The following TENM3 variants were observed in gnomAD, a reference collection of about 807,000 sequenced individuals.
The protein encoded by TENM3 is teneurin transmembrane protein 3.
In TENM3, 63 loss-of-function variants were observed where a neutral mutation model predicts 255.1. The ratio of observed to expected loss-of-function variants is 0.25; its 90% CI spans 0.20 to 0.30. The LOEUF is 0.30. Among genes scored for constraint, TENM3 ranks in the 10% least tolerant of loss-of-function variants. The pLI is 1.00. For missense variants in TENM3, 2,929 were observed against 3,461.1 expected (o/e 0.85, Z 3.86); for synonymous variants, 1,306 against 1,322.3 (o/e 0.99, Z 0.27).
chr4:181,744,648 G>C, the TENM3 span, among the ~76,000 whole-genome samples: 1 of 152,212 alleles, frequency 6.6e-6, no homozygotes, highest in African/African-American at 2.4e-5. Context: ...GCAAAAAATA[G>C]TCCAGGTGAA....
rs1384914619 is a variant in TENM3 at position 182,679,886 on chromosome 4, G to T, written c.1537+10G>T. 2.5e-6 allele frequency: 4 copies of T among 1,594,538 alleles called. No homozygotes were observed. Among genetic ancestry groups the T allele is most frequent in the Non-Finnish European group, 3.4e-6 (4 of 1,168,712 alleles). ...AATACCATTGTTATAGGTAAGAATA[G>T]TCTTCAAAGCAGCATTTTCCAGGCT... is the stretch of plus-strand genomic sequence containing the variant. On this transcript the variant is annotated intron_variant, in intron 8 of 27. Transcript: ENST00000511685.
intron 1 of TENM3, among the ~76,000 whole-genome samples, chr4:182,237,838 T>C (rs1337505235): frequency 6.6e-6 from 1 of 152,238 alleles, no homozygotes; most frequent in Admixed American, 6.5e-5. Context: ...TTCTTCATTC[T>C]GTTTTTATTG....
At chr4:182,532,374 T>C (rs1268764208) in intron 3 of TENM3, among the ~76,000 whole-genome samples, 1 of 152,196 alleles carries the variant, frequency 6.6e-6, no homozygotes, top group East Asian at 1.9e-4. Flanking sequence ...ACTGGTGGCA[T>C]TGATGTTAAT....
chr4:181,769,037 C>T, the TENM3 span, among the ~76,000 whole-genome samples: 85 of 152,062 alleles, frequency 5.6e-4, no homozygotes, highest in African/African-American at 1.9e-3. Context: ...TAGCAGGGAG[C>T]GCTTATCTGA....
Position 182,332,491 on chromosome 4 carries a change from G to A in TENM3, c.232+8239G>A, listed in dbSNP as rs376257941. Among the ~76,000 whole-genome samples, 107 of 152,182 alleles carry A rather than the reference G, an allele frequency of 7.0e-4. 1 individual carries two copies. Among genetic ancestry groups the A allele is most frequent in the African/African-American group, 2.5e-3 (103 of 41,558 alleles). Reference sequence around the variant, plus strand: ...GCAGATCAGCTGAAGTCAGGAGTTCGAGACCAGCCTGGCCAACATGGAGAA... The same window carrying A: ...GCAGATCAGCTGAAGTCAGGAGTTCAAGACCAGCCTGGCCAACATGGAGAA... On this transcript the variant is annotated intron_variant, in intron 2 of 27. Transcript: ENST00000511685.
At chr4:181,917,813 C>T in the TENM3 span, among the ~76,000 whole-genome samples, 1 of 151,856 alleles carries the variant, frequency 6.6e-6, no homozygotes, top group African/African-American at 2.4e-5. Context: ...AGGTGCCCAC[C>T]ATGACACCTG....
chr4:181,917,308 C>G, the TENM3 span, among the ~76,000 whole-genome samples: 2 of 152,228 alleles, frequency 1.3e-5, no homozygotes, highest in Admixed American at 1.3e-4. Context: ...TAAAAGGGAT[C>G]GATAGAAACA....
At chr4:182,253,644 T>C (rs1329001941) in intron 1 of TENM3, among the ~76,000 whole-genome samples, 1 of 152,218 alleles carries the variant, frequency 6.6e-6, no homozygotes, top group Non-Finnish European at 1.5e-5. Context: ...ATATTTGTTT[T>C]TCTTAAATTG....
intron 3 of TENM3, among the ~76,000 whole-genome samples, chr4:182,504,998 T>C (rs951719408): frequency 1.3e-5 from 2 of 152,194 alleles, no homozygotes; most frequent in African/African-American, 4.8e-5. Flanking sequence ...ATATGGGAGA[T>C]TGATGAAACT....
At chr4:182,653,687 G>A (rs1319340579) in intron 5 of TENM3, 84 bp from the exon 6 acceptor site, 1 of 1,412,446 alleles carries the variant, frequency 7.1e-7, no homozygotes, top group African/African-American at 1.5e-5. Context: ...CTTTACATAT[G>A]ACTCTTGTTT....
the TENM3 span, among the ~76,000 whole-genome samples, chr4:182,010,263 G>A: frequency 6.6e-6 from 1 of 151,966 alleles, no homozygotes; most frequent in Non-Finnish European, 1.5e-5. Flanking sequence ...ATTTTATTCT[G>A]AAAAAGAAAA....
At chr4:182,753,003 A>G (rs112837823) in intron 20 of TENM3, among the ~76,000 whole-genome samples, 247 of 146,946 alleles carry the variant, frequency 1.7e-3, no homozygotes, top group Non-Finnish European at 2.8e-3. Context: ...CTGGAGAGCA[A>G]TGGTGCGATC....
the TENM3 span, among the ~76,000 whole-genome samples, chr4:182,099,614 C>T: frequency 8.5e-5 from 13 of 152,216 alleles, no homozygotes; most frequent in Admixed American, 6.5e-4. Context: ...AACACAGCCA[C>T]ACCAATCCAT....
intron 1 of TENM3, among the ~76,000 whole-genome samples, chr4:182,187,182 C>A (rs947621238): frequency 6.6e-6 from 1 of 151,832 alleles, no homozygotes; most frequent in African/African-American, 2.4e-5. Flanking sequence ...AAAGTATAAA[C>A]AAAATCTAAA....
intron 12 of TENM3, among the ~76,000 whole-genome samples, chr4:182,691,470 A>G (rs139039820): frequency 1.3e-5 from 2 of 152,356 alleles, no homozygotes; most frequent in East Asian, 3.9e-4. Flanking sequence ...AACTCTGTCT[A>G]TGCTTTCATA....
chr4:182,206,982 G>C (rs376126062), intron 1 of TENM3, among the ~76,000 whole-genome samples: 2 of 152,146 alleles, frequency 1.3e-5, no homozygotes, highest in Admixed American at 1.3e-4. Context: ...TGAGATGCTC[G>C]GAAATTTGTT....
the TENM3 span, among the ~76,000 whole-genome samples, chr4:181,542,816 G>T: frequency 1.3e-5 from 2 of 152,140 alleles, no homozygotes; most frequent in Non-Finnish European, 1.5e-5. Flanking sequence ...AAATATCTCC[G>T]CATGTTAGAG....
the TENM3 span, among the ~76,000 whole-genome samples, chr4:181,941,350 T>C: frequency 6.6e-6 from 1 of 152,044 alleles, no homozygotes; most frequent in Non-Finnish European, 1.5e-5. Flanking sequence ...ATTTCATCTA[T>C]TATTACTTTT....
At chr4:182,250,138 T>C (rs868062416) in intron 1 of TENM3, among the ~76,000 whole-genome samples, 56 of 150,832 alleles carry the variant, frequency 3.7e-4, no homozygotes, top group African/African-American at 8.3e-4. Flanking sequence ...CTGCAAGCTC[T>C]GCCTCCTGGG....
Sources: gnomAD v4.1 joint callset for allele counts (sites outside exome capture counted in the v4.1 genomes callset) on GRCh38, gnomAD v4.1.1 for gene constraint, MANE v1.5 for transcripts, NCBI Gene and HGNC (gene_info 2026-07-23, HGNC 2026-07-21) for gene names.